The following ADAMTSL3 variants were observed in gnomAD, a reference collection of about 807,000 sequenced individuals.
ADAMTSL3 encodes ADAMTS-like protein 3.
ADAMTSL3 carries 128 observed loss-of-function variants against 201.7 expected under a neutral mutation model. The observed-to-expected ratio is 0.63, with a 90% CI of 0.55 to 0.73. ADAMTSL3 has a LOEUF of 0.73. Ranked by LOEUF, ADAMTSL3 falls within the 30% of genes least tolerant of loss-of-function variation. The probability of loss-of-function intolerance (pLI) is 0.00; values close to 1 mark genes in which losing one functional copy is unlikely to be tolerated. For synonymous variants in ADAMTSL3, 738 were observed against 748.4 expected (o/e 0.99, Z 0.23); for missense variants, 1,990 against 2,119.6 (o/e 0.94, Z 1.20).
At position 83,981,367 on chromosome 15, in the gene ADAMTSL3, C is replaced by G. The variant is rs143843446; in HGVS notation, c.2645-906C>G. Among the ~76,000 whole-genome samples, 371 of 152,354 alleles carry G rather than the reference C, an allele frequency of 2.4e-3. 1 individual carries two copies. Among genetic ancestry groups the G allele is most frequent in the African/African-American group, 8.5e-3 (352 of 41,584 alleles). On this transcript the variant is annotated intron_variant, in intron 20 of 29. Transcript: ENST00000286744. ...AACCCCATCTCTGTTCCCTCTTAGT[C>G]TTCCCTGCTGTGCATTGGCTGCACC...
intron 17 of ADAMTSL3, among the ~76,000 whole-genome samples, chr15:83,932,713 T>G (rs1406491140): frequency 6.6e-6 from 1 of 152,198 alleles, no homozygotes; most frequent in Non-Finnish European, 1.5e-5. Flanking sequence ...CTGGTCTTGA[T>G]AGAGGTGATG....
chr15:83,738,633 C>T (rs2062405493), intron 3 of ADAMTSL3, among the ~76,000 whole-genome samples: 1 of 152,090 alleles, frequency 6.6e-6, no homozygotes, highest in Non-Finnish European at 1.5e-5. Context: ...GTGGCTCATA[C>T]CTTTAATCCC....
At chr15:83,912,210 G>T (rs1596394995) in intron 15 of ADAMTSL3, among the ~76,000 whole-genome samples, 1 of 152,176 alleles carries the variant, frequency 6.6e-6, no homozygotes, top group Non-Finnish European at 1.5e-5. Context: ...GGCATTGTAG[G>T]CCAAATGGTT....
At chr15:84,021,341 C>A (rs1455672370) in intron 25 of ADAMTSL3, 69 bp from the exon 26 acceptor site, 16 of 1,565,136 alleles carry the variant, frequency 1.0e-5, no homozygotes, top group Non-Finnish European at 1.4e-5. Flanking sequence ...TGGTTTTTGG[C>A]CATGTCTTCT....
chr15:83,872,976 A>G, intron 9 of ADAMTSL3, among the ~76,000 whole-genome samples: 1 of 145,862 alleles, frequency 6.9e-6, no homozygotes, highest in South Asian at 2.1e-4. Flanking sequence ...AGGGGATAAC[A>G]TTTTGTAATA....
intron 2 of ADAMTSL3, among the ~76,000 whole-genome samples, chr15:83,702,989 A>G (rs761655374): frequency 7.2e-5 from 11 of 152,172 alleles, no homozygotes; most frequent in Non-Finnish European, 1.6e-4. Context: ...CTGAAAAGCC[A>G]CAAGGGTGGA....
chr15:83,756,577 CA>C (rs2062722732), intron 3 of ADAMTSL3, among the ~76,000 whole-genome samples: 1 of 149,828 alleles, frequency 6.7e-6, no homozygotes, highest in Admixed American at 6.7e-5. Flanking sequence ...GGGACACAGC[CA>C]AACCATATCA....
At chr15:83,787,643 C>G (rs2063285807) in intron 4 of ADAMTSL3, among the ~76,000 whole-genome samples, 2 of 152,268 alleles carry the variant, frequency 1.3e-5, no homozygotes, top group Admixed American at 6.5e-5. Context: ...CCAGGGGCAA[C>G]TACTGTTAAC....
chr15:84,034,575 C>A (rs1257674492), intron 28 of ADAMTSL3, among the ~76,000 whole-genome samples: 1 of 152,046 alleles, frequency 6.6e-6, no homozygotes, highest in Admixed American at 6.5e-5. Context: ...CTCAAAGTGG[C>A]GATTTCTAAC....
rs7178023 is a variant in ADAMTSL3, at chr15:83,897,769, G to C, written c.1468-89G>C. On this transcript the variant is annotated intron_variant, in intron 13 of 29. Coordinates refer to ENST00000286744, the MANE Select transcript of ADAMTSL3 (RefSeq NM_207517.3). The stretch of plus-strand genomic sequence containing the variant: ...GTCTTTTGTGTTTAACATTTATGTA[G>C]TTCAATGGCTCTCCTTTGCATTCGA... The C allele has an allele frequency of 5.7e-3, 8,059 of 1,416,908 alleles. 366 individuals carry two copies. The African/African-American group carries it at 0.1, about 18-fold the overall frequency. 87.8% of individuals were successfully genotyped at this position (1,416,908 alleles called of 1,614,324 possible).
chr15:83,811,563 G>A (rs1183595286), intron 5 of ADAMTSL3, among the ~76,000 whole-genome samples: 1 of 152,184 alleles, frequency 6.6e-6, no homozygotes, highest in Non-Finnish European at 1.5e-5. Context: ...TTAGGACTTT[G>A]GTATACTCGA....
At chr15:83,891,417 G>T in intron 12 of ADAMTSL3, 38 bp downstream of exon 12, 1 of 1,570,964 alleles carries the variant, frequency 6.4e-7, no homozygotes, top group South Asian at 1.1e-5. Context: ...TGCAATTTAA[G>T]TAGTTTGCAA....
chr15:83,827,550 C>T (rs1299066499), intron 6 of ADAMTSL3, among the ~76,000 whole-genome samples: 1 of 152,130 alleles, frequency 6.6e-6, no homozygotes, highest in African/African-American at 2.4e-5. Flanking sequence ...CTTTTGTTGC[C>T]ATTGCTTTTG....
At chr15:83,912,947 C>T (rs751800991) in intron 15 of ADAMTSL3, 145 bp from the exon 16 acceptor site, 1 of 822,670 alleles carries the variant, frequency 1.2e-6, no homozygotes, top group Non-Finnish European at 1.9e-6. Context: ...TGACCATCAA[C>T]AAAAGTATAA....
At position 83,785,730 on chromosome 15, in the gene ADAMTSL3, C is replaced by T. The variant is rs1038418814; in HGVS notation, c.317+12080C>T. 7.9e-5 allele frequency among the ~76,000 whole-genome samples: 12 copies of T among 151,988 alleles called. 1 individual carries two copies. The highest frequency in any genetic ancestry group is 7.9e-4 in the Admixed American group (12 of 15,264). On this transcript the variant is annotated intron_variant, in intron 4 of 29. Transcript: ENST00000286744. ...TACCCATTTGTTTTGGCTTTTTCTT[C>T]ATGAATACCAGTAATTTCTGTCTGT...
intron 16 of ADAMTSL3, among the ~76,000 whole-genome samples, chr15:83,917,629 TA>T (rs1345858777): frequency 6.6e-6 from 1 of 152,198 alleles, no homozygotes; most frequent in Admixed American, 6.5e-5. Context: ...GTTCTTCTTT[TA>T]TATTTTATAT....
intron 3 of ADAMTSL3, among the ~76,000 whole-genome samples, chr15:83,768,108 A>G (rs142431882): frequency 4.3e-4 from 66 of 152,312 alleles, no homozygotes; most frequent in African/African-American, 1.4e-3. Flanking sequence ...AATGGGAGAG[A>G]GCTGGTTCTC....
At chr15:83,964,570 G>A (rs1432621320) in intron 19 of ADAMTSL3, among the ~76,000 whole-genome samples, 1 of 152,142 alleles carries the variant, frequency 6.6e-6, no homozygotes, top group Non-Finnish European at 1.5e-5. Flanking sequence ...AAAGTGAGGG[G>A]AGAATGGAAC....
chr15:83,678,965 G>C (rs1302796636), intron 2 of ADAMTSL3, among the ~76,000 whole-genome samples: 1 of 149,310 alleles, frequency 6.7e-6, no homozygotes, highest in African/African-American at 2.5e-5. Flanking sequence ...GATAGTGAAA[G>C]TATCATATCC....
Sources: gnomAD v4.1 joint callset for allele counts (sites outside exome capture counted in the v4.1 genomes callset) on GRCh38, gnomAD v4.1.1 for gene constraint, MANE v1.5 for transcripts, NCBI Gene and HGNC (gene_info 2026-07-23, HGNC 2026-07-21) for gene names.